Variants in COL6A6 observed in about 807,000 individuals in gnomAD.
COL6A6 encodes the protein collagen alpha-6(VI) chain.
A neutral mutation model predicts 208.6 loss-of-function variants in COL6A6; 183 were observed. The observed-to-expected ratio is 0.88, with a 90% CI of 0.78 to 0.99. COL6A6 has a LOEUF of 0.99. Among genes scored for constraint, COL6A6 ranks in the 50% least tolerant of loss-of-function variants. The probability of loss-of-function intolerance (pLI) is 0.00; values close to 1 mark genes in which losing one functional copy is unlikely to be tolerated. For missense variants in COL6A6, 2,816 were observed against 2,815.2 expected (o/e 1.00, Z -0.01); for synonymous variants, 973 against 1,011.8 (o/e 0.96, Z 0.73).
intron 18 of COL6A6, among the ~76,000 whole-genome samples, chr3:130,595,417 G>T (rs1227664880): frequency 6.6e-6 from 1 of 152,222 alleles, no homozygotes; most frequent in East Asian, 1.9e-4. Context: ...GTCACCACCA[G>T]GTAAAGAAAT....
intron 36 of COL6A6, among the ~76,000 whole-genome samples, chr3:130,670,378 G>C (rs1377893053): frequency 1.3e-5 from 2 of 152,214 alleles, no homozygotes; most frequent in Non-Finnish European, 2.9e-5. Context: ...GTGCTCAGTA[G>C]GGCACAGCAC....
intron 23 of COL6A6, among the ~76,000 whole-genome samples, chr3:130,621,295 A>G (rs1413601856): frequency 1.3e-5 from 2 of 152,176 alleles, no homozygotes; most frequent in African/African-American, 4.8e-5. Context: ...ACTTATCACT[A>G]GGAAAGAGAA....
chr3:130,651,112 A>G (rs2065630548), intron 33 of COL6A6, among the ~76,000 whole-genome samples: 1 of 152,230 alleles, frequency 6.6e-6, no homozygotes, highest in Admixed American at 6.5e-5. Flanking sequence ...CATTAGTGCC[A>G]GTACGTAGTG....
chr3:130,538,397 G>A (rs1040957245), intron 1 of COL6A6, among the ~76,000 whole-genome samples: 7 of 152,098 alleles, frequency 4.6e-5, no homozygotes, highest in African/African-American at 1.7e-4. Context: ...CTTGCCAGGC[G>A]GTGCCTTTTC....
Position 130,662,302 on chromosome 3 carries a change from A to C in COL6A6, c.6496A>C (p.Ile2166Leu). Residue 2166 changes from isoleucine to leucine, a missense_variant, in exon 35 of 37, where the codon ATC (isoleucine) becomes CTC (leucine). Ile to Leu is a conservative substitution (Grantham distance 5). Coordinates refer to ENST00000358511, the MANE Select transcript of COL6A6 (RefSeq NM_001102608.3). ...VKFVKSFINS[I>L]RRAINKYPPI... Reference sequence around the variant, plus strand: ...GTTTGTGAAGTCCTTTATAAACTCAATCAGGCGTAAGTCATAAAATCTGTT... The same window carrying C: ...GTTTGTGAAGTCCTTTATAAACTCACTCAGGCGTAAGTCATAAAATCTGTT... The C allele has an allele frequency of 6.2e-7, 1 of 1,612,158 alleles. No homozygotes were observed. Among genetic ancestry groups the C allele is most frequent in the South Asian group, 1.1e-5 (1 of 91,002 alleles).
chr3:130,520,675 G>T (rs1711013748), intron 1 of COL6A6, among the ~76,000 whole-genome samples: 1 of 152,140 alleles, frequency 6.6e-6, no homozygotes, highest in Non-Finnish European at 1.5e-5. Flanking sequence ...TGTAGCAGTT[G>T]CACTTTGAAA....
chr3:130,634,343 A>G (rs1487644814), intron 26 of COL6A6, among the ~76,000 whole-genome samples: 5 of 151,908 alleles, frequency 3.3e-5, no homozygotes, highest in African/African-American at 1.2e-4. Flanking sequence ...CCGAATTGTA[A>G]CTCTTCAGAT....
chr3:130,625,186 A>G (rs2064848171), intron 24 of COL6A6, among the ~76,000 whole-genome samples: 1 of 152,198 alleles, frequency 6.6e-6, no homozygotes, highest in South Asian at 2.1e-4. Context: ...CTGTCCTAAA[A>G]GGCATCAAGG....
chr3:130,637,842 A>G (rs1219709641), intron 28 of COL6A6, among the ~76,000 whole-genome samples: 8 of 152,054 alleles, frequency 5.3e-5, no homozygotes, highest in Non-Finnish European at 1.2e-4. Flanking sequence ...CCACCTTTAA[A>G]AGCACGCACA....
intron 20 of COL6A6, among the ~76,000 whole-genome samples, chr3:130,603,560 C>G (rs554931536): frequency 1.4e-4 from 21 of 152,294 alleles, no homozygotes; most frequent in African/African-American, 4.6e-4. Context: ...GGGGGAGCGT[C>G]TCTGAGCCAA....
chr3:130,611,263 T>C (rs1239376443), intron 23 of COL6A6, among the ~76,000 whole-genome samples: 4 of 152,206 alleles, frequency 2.6e-5, no homozygotes, highest in African/African-American at 7.2e-5. Context: ...CTAGAGGGGA[T>C]TGTTAACTAG....
chr3:130,588,980 G>T, intron 11 of COL6A6, 110 bp from the exon 12 acceptor site: 12 of 534,468 alleles, frequency 2.2e-5, no homozygotes, highest in South Asian at 8.2e-5. Context: ...TTTGAATGGT[G>T]ACCAGGCTTC....
At chr3:130,546,323 C>T (rs567972071) in intron 1 of COL6A6, among the ~76,000 whole-genome samples, 58 of 151,624 alleles carry the variant, frequency 3.8e-4, no homozygotes, top group African/African-American at 1.4e-3. Flanking sequence ...GTGGTGCGTC[C>T]GGAGTTGTTC....
At chr3:130,649,916 G>A (rs899108909) in intron 33 of COL6A6, among the ~76,000 whole-genome samples, 2 of 152,178 alleles carry the variant, frequency 1.3e-5, no homozygotes, top group African/African-American at 4.8e-5. Flanking sequence ...GCTTCCCCAA[G>A]CTACTCTTTG....
chr3:130,586,537 T>G lies in COL6A6; in HGVS notation c.4002T>G (p.Asp1334Glu), dbSNP rs756813283. ...GLNALITVAL[D>E]GPADSSDLAD... ...ATGCCCTCATAACTGTTGCTCTGGA[T>G]GGACCTGCTGATTCAAGTGACTTGG... is the stretch of plus-strand genomic sequence containing the variant. The change falls in exon 11 of 37, where the codon GAT becomes GAG. Residue 1334 changes from aspartate to glutamate, a missense_variant. Coordinates refer to ENST00000358511, the MANE Select transcript of COL6A6 (RefSeq NM_001102608.3). The G allele has an allele frequency of 6.2e-7, 1 of 1,613,884 alleles. No individual in the cohort carries two copies. Among genetic ancestry groups the G allele is most frequent in the East Asian group, 2.2e-5 (1 of 44,866 alleles).
At position 130,590,965 on chromosome 3, in the gene COL6A6, A is replaced by G; in HGVS notation, c.4219-76A>G. 2.7e-6 allele frequency: 3 copies of G among 1,112,264 alleles called. 1 individual carries two copies. The South Asian group carries it at 4.0e-5, about 15-fold the overall frequency. The allele number at this position is 1,112,264 out of a possible 1,614,324, so 68.9% of individuals were successfully genotyped here. A position where few individuals can be genotyped will look rare whatever the true frequency, so the allele number is the denominator to read the frequency against. ...ACTATTCCACATGAAGTAAAACTGT[A>G]AAACTGAATTTGGTTTGGTTACCTC... On this transcript the variant is annotated intron_variant, in intron 12 of 36. Transcript: ENST00000358511.
At chr3:130,583,123 A>T (rs1328544544) in intron 10 of COL6A6, among the ~76,000 whole-genome samples, 1 of 152,194 alleles carries the variant, frequency 6.6e-6, no homozygotes, top group Non-Finnish European at 1.5e-5. Context: ...CTAAGACATT[A>T]TCTCTCAGGT....
intron 20 of COL6A6, among the ~76,000 whole-genome samples, chr3:130,602,945 G>A (rs2064069761): frequency 2.0e-5 from 3 of 152,172 alleles, no homozygotes; most frequent in Admixed American, 6.5e-5. Context: ...AAAATCTAGT[G>A]TTCACTGCAG....
At chr3:130,608,136 A>G (rs540520187) in intron 21 of COL6A6, among the ~76,000 whole-genome samples, 13 of 152,198 alleles carry the variant, frequency 8.5e-5, no homozygotes, top group Non-Finnish European at 1.3e-4. Context: ...ATACTATTGC[A>G]TGGAGGATTA....
Sources: allele counts gnomAD v4.1 joint callset (sites outside exome capture counted in the v4.1 genomes callset), GRCh38; gene constraint gnomAD v4.1.1; transcripts MANE v1.5; gene names NCBI Gene and HGNC (gene_info 2026-07-23, HGNC 2026-07-21).